HIP1: variants seen among roughly 807,000 people sequenced by gnomAD.
HIP1 encodes the protein huntingtin-interacting protein 1.
In HIP1, 65 loss-of-function variants were observed where a neutral mutation model predicts 147.6. That is an observed-to-expected ratio of 0.44 (90% CI 0.36 to 0.54). The LOEUF is 0.54. HIP1 is among the 20% of genes least tolerant of loss of function. The pLI is 0.00. For synonymous variants in HIP1, 479 were observed against 504.0 expected (o/e 0.95, Z 0.67); for missense variants, 1,061 against 1,299.6 (o/e 0.82, Z 2.82).
intron 9 of HIP1, among the ~76,000 whole-genome samples, chr7:75,565,223 G>C (rs1310607908): frequency 6.6e-6 from 1 of 152,162 alleles, no homozygotes; most frequent in African/African-American, 2.4e-5. Flanking sequence ...TTCAAGGACA[G>C]TGAGGTCTCA....
intron 23 of HIP1, among the ~76,000 whole-genome samples, chr7:75,548,631 C>T (rs1296983436): frequency 6.6e-6 from 1 of 152,008 alleles, no homozygotes; most frequent in African/African-American, 2.4e-5. Flanking sequence ...CATGCACCAC[C>T]ATGCCCAGCT....
Position 75,586,733 on chromosome 7 carries a change from AACTGTCCGCAG to A in HIP1, c.465+9_465+19del. 2 of 1,546,008 alleles carry A rather than the reference AACTGTCCGCAG, an allele frequency of 1.3e-6. No individual in the cohort carries two copies. Among genetic ancestry groups the A allele is most frequent in the Non-Finnish European group, 1.8e-6 (2 of 1,118,622 alleles). Reference sequence around the variant, plus strand: ...GCAGGGGAGGCGGCGGTGGCGGCAGAACTGTCCGCAGAGACTCACTTTGGTGTGGTACTCCA... The same window carrying A: ...GCAGGGGAGGCGGCGGTGGCGGCAGAAGACTCACTTTGGTGTGGTACTCCA... On this transcript the variant is annotated intron_variant, in intron 5 of 30. Coordinates refer to ENST00000336926, the MANE Select transcript of HIP1 (RefSeq NM_005338.7).
rs534203709 is a variant in HIP1 at position 75,712,458 on chromosome 7, G to A, written c.120+26343C>T. On this transcript the variant is annotated intron_variant, in intron 1 of 30. Transcript: ENST00000336926. Reference sequence around the variant, plus strand: ...GGTGGCTCACACTCCAATAGTAGGGGGAAAAATCACAAAGGGGTGTGTGTT... The same window carrying A: ...GGTGGCTCACACTCCAATAGTAGGGAGAAAAATCACAAAGGGGTGTGTGTT... Among the ~76,000 whole-genome samples, 146 of 152,232 alleles carry A rather than the reference G, an allele frequency of 9.6e-4. 1 individual carries two copies. Among genetic ancestry groups the A allele is most frequent in the African/African-American group, 3.5e-3 (144 of 41,554 alleles).
intron 1 of HIP1, among the ~76,000 whole-genome samples, chr7:75,718,586 C>T (rs1201078256): frequency 2.6e-5 from 4 of 152,184 alleles, no homozygotes; most frequent in Admixed American, 1.3e-4. Flanking sequence ...GCCAGTCCTC[C>T]GACTTGGAGC....
intron 1 of HIP1, among the ~76,000 whole-genome samples, chr7:75,685,413 C>T (rs537077696): frequency 3.9e-5 from 6 of 152,204 alleles, no homozygotes; most frequent in African/African-American, 1.2e-4. Flanking sequence ...AATGGTATTG[C>T]GTGTGCTCCC....
chr7:75,577,776 G>A (rs782558438), intron 7 of HIP1, among the ~76,000 whole-genome samples: 2 of 152,258 alleles, frequency 1.3e-5, no homozygotes, highest in Middle Eastern at 3.4e-3. Context: ...AAGGCAGGCC[G>A]ATCACTTGAG....
chr7:75,632,953 T>C (rs1238591098), intron 1 of HIP1, among the ~76,000 whole-genome samples: 1 of 151,920 alleles, frequency 6.6e-6, no homozygotes, highest in Non-Finnish European at 1.5e-5. Flanking sequence ...AGGACCTGAG[T>C]GATGAGAACA....
intron 1 of HIP1, among the ~76,000 whole-genome samples, chr7:75,638,213 G>C (rs1208245878): frequency 6.6e-6 from 1 of 151,934 alleles, no homozygotes; most frequent in Non-Finnish European, 1.5e-5. Flanking sequence ...CAGAGTGACA[G>C]CCAATCAAGA....
chr7:75,594,838 A>G (rs587737656), intron 2 of HIP1, among the ~76,000 whole-genome samples: 3 of 152,342 alleles, frequency 2.0e-5, no homozygotes, highest in Non-Finnish European at 4.4e-5. Flanking sequence ...GATCTCTGTC[A>G]TTAGTGAGCT....
At chr7:75,680,617 CT>C (rs66628574) in intron 1 of HIP1, among the ~76,000 whole-genome samples, 87,897 of 150,234 alleles carry the variant, frequency 0.59, 26,165 homozygotes, top group African/African-American at 0.69. Flanking sequence ...ACTTTTTTTT[CT>C]TTTTTTTTTA....
At chr7:75,715,922 A>T (rs1169361884) in intron 1 of HIP1, among the ~76,000 whole-genome samples, 2 of 151,700 alleles carry the variant, frequency 1.3e-5, no homozygotes, top group Admixed American at 1.3e-4. Flanking sequence ...GGGGAAGGGG[A>T]ATCAGGCGTG....
At chr7:75,543,910 C>G (rs587604733) in intron 27 of HIP1, among the ~76,000 whole-genome samples, 1 of 152,134 alleles carries the variant, frequency 6.6e-6, no homozygotes, top group Non-Finnish European at 1.5e-5. Context: ...TGGTGGCTCA[C>G]GCCTGTAATC....
chr7:75,535,228 G>T lies in HIP1; in HGVS notation c.*2944C>A. Reference sequence around the variant, plus strand: ...AACATTTCTGTGGCTTCTTTTTAGAGACAGGATCATTCAGATAATTTTTTG... The same window carrying T: ...AACATTTCTGTGGCTTCTTTTTAGATACAGGATCATTCAGATAATTTTTTG... On this transcript the variant is annotated 3_prime_UTR_variant, in exon 31 of 31. Transcript: ENST00000336926. 1 of 211,108 alleles carries T rather than the reference G, an allele frequency of 4.7e-6. No homozygotes were observed. Among genetic ancestry groups the T allele is most frequent in the Non-Finnish European group, 9.6e-6 (1 of 104,060 alleles). The allele number at this position is 211,108 out of a possible 1,614,324, so 13.1% of individuals were successfully genotyped here.
chr7:75,700,461 CAGA>C (rs782289124), intron 1 of HIP1, among the ~76,000 whole-genome samples: 16 of 152,140 alleles, frequency 1.1e-4, no homozygotes, highest in African/African-American at 2.7e-4. Context: ...GCAGAGAAAG[CAGA>C]AGAAGATGAC....
At chr7:75,587,776 C>T (rs1796339269) in intron 4 of HIP1, among the ~76,000 whole-genome samples, 1 of 152,054 alleles carries the variant, frequency 6.6e-6, no homozygotes, top group African/African-American at 2.4e-5. Context: ...CCAGCCTGGC[C>T]AACATGGCGA....
chr7:75,591,884 A>G (rs782134322), intron 4 of HIP1, among the ~76,000 whole-genome samples, 172 bp downstream of exon 4: 35 of 152,052 alleles, frequency 2.3e-4, no homozygotes, highest in Non-Finnish European at 4.3e-4. Flanking sequence ...AGGCAAGACT[A>G]TGGATATCAT....
At chr7:75,589,104 C>T (rs6466747) in intron 4 of HIP1, among the ~76,000 whole-genome samples, 1,743 of 149,218 alleles carry the variant, frequency 0.012, 28 homozygotes, top group African/African-American at 0.04. Context: ...GAGCAGAGAT[C>T]GTGCCATTGC....
intron 1 of HIP1, among the ~76,000 whole-genome samples, chr7:75,724,407 T>C (rs1320942944): frequency 2.0e-5 from 3 of 151,550 alleles, no homozygotes; most frequent in Non-Finnish European, 4.4e-5. Context: ...GGCACCATGC[T>C]TGGCTAATTT....
At chr7:75,727,159 G>A (rs11768458) in intron 1 of HIP1, among the ~76,000 whole-genome samples, 195 of 152,170 alleles carry the variant, frequency 1.3e-3, no homozygotes, top group Non-Finnish European at 2.1e-3. Flanking sequence ...CACCCAGGCT[G>A]GAGTGTAGTG....
Sources: allele counts gnomAD v4.1 joint callset (sites outside exome capture counted in the v4.1 genomes callset), GRCh38; gene constraint gnomAD v4.1.1; transcripts MANE v1.5; gene names NCBI Gene and HGNC (gene_info 2026-07-23, HGNC 2026-07-21).